APC: variants seen among roughly 807,000 people sequenced by gnomAD.
APC encodes the protein adenomatous polyposis coli protein.
In APC, 72 loss-of-function variants were observed where a neutral mutation model predicts 247.0. That is an observed-to-expected ratio of 0.29 (90% confidence interval 0.24 to 0.35). The LOEUF is 0.35. Ranked by LOEUF, APC falls within the 10% of genes least tolerant of loss-of-function variation. The pLI, the probability that APC is intolerant of heterozygous loss-of-function variation, is 1.00. For synonymous variants in APC, 1,254 were observed against 1,162.5 expected (o/e 1.08, Z -1.60); for missense variants, 3,400 against 3,360.7 (o/e 1.01, Z -0.29).
chr5:112,711,064 C>A (rs1384313491), intron 1 of APC, among the ~76,000 whole-genome samples: 2 of 152,202 alleles, frequency 1.3e-5, no homozygotes, highest in African/African-American at 4.8e-5. Context: ...ACCCAGGGGT[C>A]CCCAAACCCC....
chr5:112,806,569 T>TTTAC (rs1056403599), intron 8 of APC, among the ~76,000 whole-genome samples: 1 of 149,754 alleles, frequency 6.7e-6, no homozygotes, highest in Non-Finnish European at 1.5e-5. Flanking sequence ...TATTTATTTA[T>TTTAC]TTATTTATTT....
intron 1 of APC, 53 bp from the exon 2 acceptor site, chr5:112,754,820 G>A (rs77090722): frequency 6.4e-7 from 1 of 1,562,370 alleles, no homozygotes; most frequent in Non-Finnish European, 8.8e-7. Context: ...TTAAAAACAA[G>A]CAGCCACTAA....
chr5:112,740,343 C>T (rs1752849597), intron 1 of APC, among the ~76,000 whole-genome samples: 1 of 152,062 alleles, frequency 6.6e-6, no homozygotes, highest in African/African-American at 2.4e-5. Flanking sequence ...AAGTTTATTT[C>T]ATTCCTCTTG....
intron 14 of APC, among the ~76,000 whole-genome samples, chr5:112,830,886 A>G (rs1561561003): frequency 6.6e-6 from 1 of 152,202 alleles, no homozygotes; most frequent in Non-Finnish European, 1.5e-5. Context: ...GTATACATGT[A>G]TGAAAAATTA....
At chr5:112,831,468 G>C (rs927926340) in intron 14 of APC, among the ~76,000 whole-genome samples, 2 of 152,196 alleles carry the variant, frequency 1.3e-5, no homozygotes, top group Non-Finnish European at 2.9e-5. Context: ...CCTAATTCTG[G>C]TTAGCAGTAT....
intron 10 of APC, among the ~76,000 whole-genome samples, chr5:112,820,182 GACACACACACAC>G (rs111788809): frequency 2.5e-4 from 36 of 143,402 alleles, no homozygotes; most frequent in East Asian, 8.1e-4. Context: ...GATAAGAACT[GACACACACACAC>G]ACACACACAC....
intron 1 of APC, among the ~76,000 whole-genome samples, chr5:112,721,905 C>T (rs1751502347): frequency 6.6e-6 from 1 of 152,088 alleles, no homozygotes; most frequent in South Asian, 2.1e-4. Context: ...AAAAAATCTC[C>T]TAATGTTTTA....
At chr5:112,753,138 A>G (rs1389152159) in intron 1 of APC, among the ~76,000 whole-genome samples, 1 of 152,114 alleles carries the variant, frequency 6.6e-6, no homozygotes, top group Non-Finnish European at 1.5e-5. Context: ...ACATTATTCA[A>G]ATTCTGTCAG....
rs757420538 is a variant in APC at position 112,843,759 on chromosome 5, T to C, written c.8165T>C (p.Leu2722Pro). The C allele has an allele frequency of 1.2e-6, 2 of 1,613,968 alleles. No homozygotes were observed. Among genetic ancestry groups the C allele is most frequent in the Non-Finnish European group, 1.7e-6 (2 of 1,179,942 alleles). ...PMRTVGLENR[L>P]NSFIQVDAPD... ...CGTACCGTGGGTTTGGAAAATCGCC[T>C]GAACTCCTTTATTCAGGTGGATGCC... is the stretch of plus-strand genomic sequence containing the variant. Residue 2722 changes from leucine to proline, a missense_variant, in exon 16 of 16, where the codon CTG becomes CCG. Transcript: ENST00000257430. The surrounding 1 kb of genome is among the most constrained non-coding windows in gnomAD (Gnocchi z 4.8).
rs1253568676 is a variant in APC at position 112,844,424 on chromosome 5, TTAAAA to T, written c.*302_*306del. The T allele has an allele frequency of 1.1e-5, 4 of 357,778 alleles. No homozygotes were observed. Among genetic ancestry groups the T allele is most frequent in the Admixed American group, 8.8e-5 (2 of 22,792 alleles). 22.2% of individuals were successfully genotyped at this position (357,778 alleles called of 1,614,324 possible). A position where few individuals can be genotyped will look rare whatever the true frequency, so the allele number is the denominator to read the frequency against. ...CAACTTCCTTTAATTATTGCTTGTC[TTAAAA>T]TAATGAACACTACAGATAGAAAATA... is the stretch of plus-strand genomic sequence containing the variant. On this transcript the variant is annotated 3_prime_UTR_variant, in exon 16 of 16. Coordinates refer to ENST00000257430, the MANE Select transcript of APC (RefSeq NM_000038.6).
intron 6 of APC, among the ~76,000 whole-genome samples, chr5:112,785,607 G>T (rs566685054): frequency 1.3e-5 from 2 of 152,120 alleles, no homozygotes; most frequent in South Asian, 4.1e-4. Context: ...TTGTGAAGAT[G>T]TTGTAATAAT....
At chr5:112,708,473 C>T (rs1750662118) in intron 1 of APC, among the ~76,000 whole-genome samples, 1 of 152,008 alleles carries the variant, frequency 6.6e-6, no homozygotes, top group Non-Finnish European at 1.5e-5. Context: ...TTTTTTTCGG[C>T]TGTAGGAAAT....
At chr5:112,738,691 T>A (rs1356664712) in intron 1 of APC, among the ~76,000 whole-genome samples, 1 of 152,204 alleles carries the variant, frequency 6.6e-6, no homozygotes, top group Non-Finnish European at 1.5e-5. Context: ...TAAGAAACCT[T>A]GCAGCAAATG....
intron 1 of APC, among the ~76,000 whole-genome samples, chr5:112,731,986 T>C (rs1752123805): frequency 6.6e-6 from 1 of 152,234 alleles, no homozygotes; most frequent in South Asian, 2.1e-4. Context: ...GGTCTCAAAC[T>C]CCTGGCCTCA....
At chr5:112,728,093 T>C (rs1243248545) in intron 1 of APC, among the ~76,000 whole-genome samples, 2 of 152,082 alleles carry the variant, frequency 1.3e-5, no homozygotes, top group Admixed American at 1.3e-4. Context: ...TTTTTTTTTT[T>C]TAAGCTCATC....
chr5:112,833,140 A>G (rs947067397), intron 14 of APC, among the ~76,000 whole-genome samples: 1 of 150,742 alleles, frequency 6.6e-6, no homozygotes, highest in Non-Finnish European at 1.5e-5. Flanking sequence ...CAGCTTCTCA[A>G]GTAGCTGGAC....
At chr5:112,778,989 T>C (rs1328863479) in intron 5 of APC, among the ~76,000 whole-genome samples, 8 of 152,218 alleles carry the variant, frequency 5.3e-5, no homozygotes, top group Non-Finnish European at 1.2e-4. Flanking sequence ...TGAAAACATG[T>C]AGCTAGCCAG....
intron 15 of APC, among the ~76,000 whole-genome samples, chr5:112,836,165 T>TTCCCCCAC (rs1554083526): frequency 4.1e-5 from 1 of 24,478 alleles, no homozygotes; most frequent in Non-Finnish European, 8.5e-5. Flanking sequence ...GGATTACAGG[T>TTCCCCCAC]CCCCCCCCCC....
At chr5:112,762,529 G>C (rs537956606) in intron 2 of APC, among the ~76,000 whole-genome samples, 1 of 152,284 alleles carries the variant, frequency 6.6e-6, no homozygotes, top group African/African-American at 2.4e-5. Context: ...ACAATGAACT[G>C]ATAAGGCAAC....
Sources: gnomAD v4.1 joint callset for allele counts (sites outside exome capture counted in the v4.1 genomes callset) on GRCh38, gnomAD v4.1.1 for gene constraint, Gnocchi (gnomAD v3.1) non-coding constraint, MANE v1.5 for transcripts, NCBI Gene and HGNC (gene_info 2026-07-23, HGNC 2026-07-21) for gene names.